ROBO1: variants seen among roughly 807,000 people sequenced by gnomAD.
The protein encoded by ROBO1 is roundabout guidance receptor 1, also known as roundabout homolog 1.
A neutral mutation model predicts 195.9 loss-of-function variants in ROBO1; 149 were observed. The ratio of observed to expected loss-of-function variants is 0.76; its 90% CI spans 0.67 to 0.87. The LOEUF (loss-of-function observed/expected upper bound fraction) is 0.87, where lower values mean the gene tolerates loss of function less well. Ranked by LOEUF, ROBO1 falls within the 40% of genes least tolerant of loss-of-function variation. The probability of loss-of-function intolerance (pLI) is 0.00; values close to 1 mark genes in which losing one functional copy is unlikely to be tolerated. For synonymous variants in ROBO1, 816 were observed against 733.2 expected (o/e 1.11, Z -1.82); for missense variants, 1,933 against 2,068.3 (o/e 0.93, Z 1.27).
rs146657616 is a variant in ROBO1, at chr3:79,125,313, C to G, written c.172+143G>C. ...CTTTAGCAATATGATCTGATATGAA[C>G]AGAATGAAGTTTGAAAAATGAGAAA... On this transcript the variant is annotated intron_variant, in intron 3 of 30. Transcript: ENST00000464233. The G allele has an allele frequency of 1.2e-3, 808 of 682,340 alleles. 2 individuals are homozygous for G. The highest frequency in any genetic ancestry group is 2.0e-3 in the Non-Finnish European group (736 of 375,970). 42.3% of individuals were successfully genotyped at this position (682,340 alleles called of 1,614,324 possible).
At position 79,303,750 on chromosome 3, in the gene ROBO1, C is replaced by G. The variant is rs781172859; in HGVS notation, c.89-178211G>C. On this transcript the variant is annotated intron_variant, in intron 2 of 30. Transcript: ENST00000464233. Reference sequence around the variant, plus strand: ...TGTTAGCATTCAGAATTACGTTAAACTATGCTTTGACCAACATCTCCTCAA... The same window carrying G: ...TGTTAGCATTCAGAATTACGTTAAAGTATGCTTTGACCAACATCTCCTCAA... Among the ~76,000 whole-genome samples the G allele has an allele frequency of 1.8e-4, 27 of 152,146 alleles. 1 individual carries two copies. The highest frequency in any genetic ancestry group is 4.4e-5 in the Non-Finnish European group (3 of 68,026).
At chr3:79,153,777 T>C (rs536935273) in intron 2 of ROBO1, among the ~76,000 whole-genome samples, 11 of 148,584 alleles carry the variant, frequency 7.4e-5, no homozygotes, top group African/African-American at 2.7e-4. Context: ...TTATATGTAA[T>C]ATAAATAATA....
intron 2 of ROBO1, among the ~76,000 whole-genome samples, chr3:79,209,858 A>C (rs1467836644): frequency 6.6e-6 from 1 of 152,160 alleles, no homozygotes; most frequent in African/African-American, 2.4e-5. Context: ...ATACAAAATC[A>C]ATGCACACAA....
At chr3:78,734,642 T>A (rs1485177621) in intron 5 of ROBO1, among the ~76,000 whole-genome samples, 2 of 150,970 alleles carry the variant, frequency 1.3e-5, no homozygotes, top group Non-Finnish European at 2.9e-5. Context: ...CAGAATCATC[T>A]CAGGAGATTT....
At chr3:79,391,337 T>C (rs1469861815) in intron 2 of ROBO1, among the ~76,000 whole-genome samples, 2 of 151,958 alleles carry the variant, frequency 1.3e-5, no homozygotes, top group African/African-American at 4.8e-5. Context: ...ATAATACAAA[T>C]TCCATGCTGG....
intron 16 of ROBO1, 97 bp from the exon 17 acceptor site, chr3:78,659,904 T>C: frequency 1.3e-6 from 1 of 783,630 alleles, no homozygotes; most frequent in South Asian, 2.5e-5. Context: ...GTATTAATAC[T>C]ATATCAATAT....
intron 2 of ROBO1, among the ~76,000 whole-genome samples, chr3:79,263,731 T>C (rs570180774): frequency 2.0e-5 from 3 of 152,218 alleles, no homozygotes; most frequent in East Asian, 3.9e-4. Flanking sequence ...TCTTCCTGTT[T>C]TGTAACTTGC....
chr3:79,229,208 T>G (rs1399248039), intron 2 of ROBO1, among the ~76,000 whole-genome samples: 3 of 152,148 alleles, frequency 2.0e-5, no homozygotes, highest in Non-Finnish European at 1.5e-5. Context: ...ATTGCTTTAT[T>G]TTAATAATGT....
intron 2 of ROBO1, among the ~76,000 whole-genome samples, chr3:79,204,655 C>T (rs879887337): frequency 3.9e-5 from 6 of 152,172 alleles, no homozygotes; most frequent in Non-Finnish European, 7.3e-5. Flanking sequence ...CAACTCTACA[C>T]TCTGTGCTGG....
intron 3 of ROBO1, among the ~76,000 whole-genome samples, chr3:78,994,203 C>G (rs758753978): frequency 6.6e-6 from 1 of 152,094 alleles, no homozygotes; most frequent in Non-Finnish European, 1.5e-5. Flanking sequence ...TCACAAGTAA[C>G]CTTATGCCCT....
intron 2 of ROBO1, among the ~76,000 whole-genome samples, chr3:79,365,896 C>CAA (rs5850423): frequency 0.027 from 3,356 of 126,358 alleles, 47 homozygotes; most frequent in African/African-American, 0.039. Flanking sequence ...GACTCCGTCT[C>CAA]AAAAAAAAAA....
At chr3:79,280,251 A>C (rs1324326335) in intron 2 of ROBO1, among the ~76,000 whole-genome samples, 2 of 152,212 alleles carry the variant, frequency 1.3e-5, no homozygotes, top group Non-Finnish European at 2.9e-5. Context: ...TCCCAAATCA[A>C]AGAAATGATA....
chr3:79,087,563 A>G (rs1215406186), intron 3 of ROBO1, among the ~76,000 whole-genome samples: 1 of 125,718 alleles, frequency 8.0e-6, no homozygotes, highest in African/African-American at 3.0e-5. Context: ...TCCTTCCTTC[A>G]TTTCTTTGTT....
At chr3:79,024,338 T>C (rs193296411) in intron 3 of ROBO1, among the ~76,000 whole-genome samples, 204 of 152,210 alleles carry the variant, frequency 1.3e-3, no homozygotes, top group African/African-American at 4.6e-3. Flanking sequence ...CTTTTGAAGA[T>C]AAAGGAGAGG....
chr3:78,909,698 T>C (rs420481), intron 4 of ROBO1, among the ~76,000 whole-genome samples: 85 of 151,518 alleles, frequency 5.6e-4, no homozygotes, highest in African/African-American at 2.0e-3. Context: ...TTTTGAAAAA[T>C]GTAATCACTT....
rs2039970868 is a variant in ROBO1, at chr3:78,938,930, G to A, written c.173-3C>T. ...ATCTTCCTGACGAAGACGGGAGCCT[G>A]CAGAAGAATTCACAAAATATCTTCG... is the stretch of plus-strand genomic sequence containing the variant. On this transcript the variant is annotated splice_polypyrimidine_tract_variant and splice_region_variant and intron_variant, in intron 3 of 30. Transcript: ENST00000464233. 1.3e-6 allele frequency: 2 copies of A among 1,595,630 alleles called. No homozygotes were observed. Among genetic ancestry groups the A allele is most frequent in the South Asian group, 1.1e-5 (1 of 88,594 alleles).
chr3:79,557,945 T>A (rs987717627), intron 2 of ROBO1, among the ~76,000 whole-genome samples: 1 of 152,086 alleles, frequency 6.6e-6, no homozygotes, highest in Non-Finnish European at 1.5e-5. Flanking sequence ...TGAATCTATA[T>A]AGTTAACAGA....
chr3:79,040,866 C>A (rs74683080), intron 3 of ROBO1, among the ~76,000 whole-genome samples: 2,713 of 151,908 alleles, frequency 0.018, 50 homozygotes, highest in Non-Finnish European at 0.03. Flanking sequence ...TAACTGCTTA[C>A]GAAAAAAAAA....
intron 4 of ROBO1, among the ~76,000 whole-genome samples, chr3:78,879,231 GC>G (rs2036036493): frequency 6.6e-6 from 1 of 152,056 alleles, no homozygotes; most frequent in Admixed American, 6.6e-5. Context: ...GATATTACAC[GC>G]AGGGTTGAAG....
Sources: allele counts gnomAD v4.1 joint callset (sites outside exome capture counted in the v4.1 genomes callset), GRCh38; gene constraint gnomAD v4.1.1; transcripts MANE v1.5; gene names NCBI Gene and HGNC (gene_info 2026-07-23, HGNC 2026-07-21).